Variants in OR14A16 observed in about 807,000 individuals in gnomAD.
OR14A16 encodes the protein olfactory receptor 14A16.
For missense variants in OR14A16, 341 were observed against 366.5 expected, an observed-to-expected ratio of 0.93 and a Z score of 0.57; for synonymous variants, 135 against 137.6, an observed-to-expected ratio of 0.98 and a Z score of 0.13.
At chr1:247,823,734 A>G (rs1315692837) in intron 1 of OR14A16, among the ~76,000 whole-genome samples, 1 of 152,194 alleles carries the variant, frequency 6.6e-6, no homozygotes, top group Non-Finnish European at 1.5e-5. Context: ...AGGATACGAT[A>G]AATATGTATT....
chr1:247,814,805 T>C lies in OR14A16; in HGVS notation c.925A>G (p.Lys309Glu), dbSNP rs1301869495. The C allele has an allele frequency of 1.9e-6, 3 of 1,540,562 alleles. No homozygotes were observed. Among genetic ancestry groups the C allele is most frequent in the Non-Finnish European group, 2.6e-6 (3 of 1,148,080 alleles). Residue 309 changes from lysine (K) to glutamate (E), a missense_variant, in exon 3 of 3, where the codon AAG becomes GAG. Physicochemically the swap from Lys to Glu is moderately conservative, Grantham distance 56. Coordinates refer to ENST00000641093, the MANE Select transcript of OR14A16 (RefSeq NM_001001966.2). ...GMLIKGKLTK[K>E] ...AAGAAGAAAAGCAACAGCTTTTACT[T>C]TTTGGTGAGCTTTCCCTTTATCAAC...
chr1:247,818,137 A>G (rs1277168642), intron 2 of OR14A16, among the ~76,000 whole-genome samples: 1 of 152,166 alleles, frequency 6.6e-6, no homozygotes, highest in Non-Finnish European at 1.5e-5. Context: ...TTTTTAAAAT[A>G]TGAAATGTGA....
chr1:247,823,584 A>G (rs1185522179), intron 1 of OR14A16, among the ~76,000 whole-genome samples: 1 of 152,230 alleles, frequency 6.6e-6, no homozygotes, highest in Non-Finnish European at 1.5e-5. Context: ...TAAGTGCTGC[A>G]GTAGGTCTTC....
At chr1:247,819,539 G>A (rs577722940) in intron 1 of OR14A16, among the ~76,000 whole-genome samples, 2 of 152,234 alleles carry the variant, frequency 1.3e-5, no homozygotes, top group African/African-American at 2.4e-5. Context: ...AGAATGATCC[G>A]ACTTGAACTT....
chr1:247,820,913 TTTC>T (rs1662725859), intron 1 of OR14A16, among the ~76,000 whole-genome samples: 2 of 152,224 alleles, frequency 1.3e-5, no homozygotes, highest in African/African-American at 4.8e-5. Context: ...TGCTGTAAAT[TTTC>T]TTATTAGAAC....
At chr1:247,820,721 G>A (rs1054137252) in intron 1 of OR14A16, among the ~76,000 whole-genome samples, 5 of 151,400 alleles carry the variant, frequency 3.3e-5, no homozygotes, top group Admixed American at 6.6e-5. Flanking sequence ...TTACCCAAGC[G>A]TGGTGGTGCA....
Position 247,815,069 on chromosome 1 carries a change from A to G in OR14A16, c.661T>C (p.Ser221Pro). 1 of 1,614,062 alleles carries G rather than the reference A, an allele frequency of 6.2e-7. No homozygotes were observed. The highest frequency in any genetic ancestry group is 8.5e-7 in the Non-Finnish European group (1 of 1,179,916). The stretch of plus-strand genomic sequence containing the variant: ...GTGGAAGGGATCTTCTTGACTGTAG[A>G]GAAGACGTGGACATAGGTAATGATG... ...VIIITYVHVFSTVKKIPSTEG... is the reference protein window; with the variant it reads ...VIIITYVHVFPTVKKIPSTEG... Residue 221 changes from serine to proline, a missense_variant, in exon 3 of 3, where the codon TCT (serine) becomes CCT (proline). By Grantham distance (74) the Ser-to-Pro change is moderately conservative. Transcript: ENST00000641093.
At chr1:247,822,485 G>A (rs536961483) in intron 1 of OR14A16, among the ~76,000 whole-genome samples, 45 of 152,240 alleles carry the variant, frequency 3.0e-4, no homozygotes, top group Middle Eastern at 3.4e-3. Context: ...TGCACCAAGG[G>A]CTCTTGGGCT....
chr1:247,816,937 T>A (rs1172429221), intron 2 of OR14A16, among the ~76,000 whole-genome samples: 1 of 152,178 alleles, frequency 6.6e-6, no homozygotes, highest in Non-Finnish European at 1.5e-5. Flanking sequence ...TTAATGTTTT[T>A]ATGTCCACTG....
Position 247,814,864 on chromosome 1 carries a change from A to G in OR14A16, c.866T>C (p.Leu289Ser), listed in dbSNP as rs1207545545. The change falls in exon 3 of 3, where the codon TTG becomes TCG. Residue 289 changes from leucine to serine, a missense_variant. By Grantham distance (145) the Leu-to-Ser change is moderately radical. Coordinates refer to ENST00000641093, the MANE Select transcript of OR14A16 (RefSeq NM_001001966.2). ...AGCCACCTTTATGGCCTTGTTTCTCAAACTGTATATAATGGGATTAAAGGT... is the reference window on the plus strand; with the variant it reads ...AGCCACCTTTATGGCCTTGTTTCTCGAACTGTATATAATGGGATTAAAGGT... ...PPTFNPIIYS[L>S]RNKAIKVALG... The G allele has an allele frequency of 2.5e-6, 4 of 1,607,130 alleles. No individual in the cohort carries two copies. The highest frequency in any genetic ancestry group is 1.3e-5 in the African/African-American group (1 of 74,528).
At chr1:247,822,389 T>C (rs1019888597) in intron 1 of OR14A16, among the ~76,000 whole-genome samples, 8 of 152,080 alleles carry the variant, frequency 5.3e-5, no homozygotes, top group Non-Finnish European at 8.8e-5. Flanking sequence ...CTTTCTGTTA[T>C]CTCTGTCTTC....
At chr1:247,817,963 C>G (rs1288077919) in intron 2 of OR14A16, among the ~76,000 whole-genome samples, 5 of 151,992 alleles carry the variant, frequency 3.3e-5, no homozygotes, top group African/African-American at 1.2e-4. Context: ...AGTATTTTAT[C>G]CCATTTCTGT....
chr1:247,822,598 C>T (rs956143278), intron 1 of OR14A16, among the ~76,000 whole-genome samples: 3 of 152,122 alleles, frequency 2.0e-5, no homozygotes. Flanking sequence ...CGCACTTGGC[C>T]TTTCTGGGAC....
chr1:247,817,851 T>G (rs1445085929), intron 2 of OR14A16, among the ~76,000 whole-genome samples: 5 of 152,254 alleles, frequency 3.3e-5, no homozygotes, highest in Non-Finnish European at 1.5e-5. Flanking sequence ...CAACATCTGA[T>G]ATTCATAATA....
At chr1:247,819,493 TGA>T (rs2103284851) in intron 1 of OR14A16, among the ~76,000 whole-genome samples, 1 of 152,260 alleles carries the variant, frequency 6.6e-6, no homozygotes, top group East Asian at 1.9e-4. Flanking sequence ...TTACTGTGAG[TGA>T]GAGAAAAATC....
At chr1:247,817,034 T>C (rs1160620497) in intron 2 of OR14A16, among the ~76,000 whole-genome samples, 2 of 152,178 alleles carry the variant, frequency 1.3e-5, no homozygotes, top group South Asian at 2.1e-4. Flanking sequence ...TTGAACAAAA[T>C]TCAGATGGTC....
At chr1:247,819,395 A>G (rs1267753113) in intron 1 of OR14A16, among the ~76,000 whole-genome samples, 2 of 129,184 alleles carry the variant, frequency 1.5e-5, no homozygotes, top group South Asian at 4.7e-4. Context: ...AGGGGAGCAG[A>G]TTTAAAAAAA....
Position 247,814,668 on chromosome 1 carries a change from T to C in OR14A16, c.*132A>G. On this transcript the variant is annotated 3_prime_UTR_variant, in exon 3 of 3. Transcript: ENST00000641093. ...AAATGTAATTAATTGCCCAAGGAAATTTTCTAATAAAATAATTGCTTTCAT... is the reference window on the plus strand; with the variant it reads ...AAATGTAATTAATTGCCCAAGGAAACTTTCTAATAAAATAATTGCTTTCAT... 2.0e-6 allele frequency: 1 copy of C among 495,400 alleles called. No individual in the cohort carries two copies. The highest frequency in any genetic ancestry group is 3.3e-6 in the Non-Finnish European group (1 of 304,246). 30.7% of individuals were successfully genotyped at this position (495,400 alleles called of 1,614,324 possible).
chr1:247,822,036 C>T (rs907236294), intron 1 of OR14A16, among the ~76,000 whole-genome samples: 1 of 152,134 alleles, frequency 6.6e-6, no homozygotes, highest in Non-Finnish European at 1.5e-5. Context: ...TATTACTCCT[C>T]TCATTTTAAG....
Sources: gnomAD v4.1 joint callset for allele counts (sites outside exome capture counted in the v4.1 genomes callset) on GRCh38, gnomAD v4.1.1 for gene constraint, MANE v1.5 for transcripts, NCBI Gene and HGNC (gene_info 2026-07-23, HGNC 2026-07-21) for gene names.